Variants in CEP85L observed in about 807,000 individuals in gnomAD.
CEP85L encodes the protein centrosomal protein of 85 kDa-like.
CEP85L carries 60 observed loss-of-function variants against 100.3 expected under a neutral mutation model. The ratio of observed to expected loss-of-function variants is 0.60; its 90% confidence interval spans 0.49 to 0.74. The LOEUF is 0.74. Among genes scored for constraint, CEP85L ranks in the 30% least tolerant of loss-of-function variants. The pLI is 0.00. For missense variants in CEP85L, 973 were observed against 936.2 expected, an observed-to-expected ratio of 1.04 and a Z score of -0.51; for synonymous variants, 319 against 322.7, an observed-to-expected ratio of 0.99 and a Z score of 0.12.
chr6:118,589,446 T>G lies in CEP85L; in HGVS notation c.233-23130A>C, dbSNP rs1781053140. ...GAGGAAGGAAATGATTTGAAGGGAG[T>G]GCCAGAAACATCTGGCTCACAAAAC... On this transcript the variant is annotated intron_variant, in intron 2 of 12. Transcript: ENST00000368491. 1.9e-5 allele frequency: 5 copies of G among 262,936 alleles called. No homozygotes were observed. In the South Asian group the frequency reaches 3.1e-4, roughly 16 times the overall value. 16.3% of individuals were successfully genotyped at this position (262,936 alleles called of 1,614,324 possible). A position where few individuals can be genotyped will look rare whatever the true frequency, so the allele number is the denominator to read the frequency against.
intron 1 of CEP85L, among the ~76,000 whole-genome samples, chr6:118,668,553 C>G (rs1367034124): frequency 2.0e-5 from 3 of 152,262 alleles, no homozygotes; most frequent in East Asian, 3.9e-4. Flanking sequence ...CAAGTCCAGC[C>G]TGGGCAAAAA....
chr6:118,553,535 G>A (rs981586442), intron 3 of CEP85L, among the ~76,000 whole-genome samples: 9 of 152,034 alleles, frequency 5.9e-5, no homozygotes, highest in South Asian at 2.1e-4. Flanking sequence ...ACATTTTAGC[G>A]TGTAAAGCAG....
At chr6:118,532,003 A>G (rs555401018) in intron 3 of CEP85L, among the ~76,000 whole-genome samples, 1 of 152,342 alleles carries the variant, frequency 6.6e-6, no homozygotes, top group East Asian at 1.9e-4. Flanking sequence ...ATTATTGGGT[A>G]TATACCCAAA....
chr6:118,663,048 G>T (rs1203815940), intron 1 of CEP85L, among the ~76,000 whole-genome samples: 1 of 150,512 alleles, frequency 6.6e-6, no homozygotes, highest in African/African-American at 2.4e-5. Flanking sequence ...AATTTTCATG[G>T]TAAAAAAAAA....
Position 118,474,182 on chromosome 6 carries a change from T to G in CEP85L, c.1915-3538A>C, listed in dbSNP as rs1773177654. Among the ~76,000 whole-genome samples the G allele has an allele frequency of 2.6e-5, 4 of 152,272 alleles. No individual in the cohort carries two copies. In the South Asian group the frequency reaches 6.2e-4, roughly 24 times the overall value. On this transcript the variant is annotated intron_variant, in intron 10 of 12. Transcript: ENST00000368491. The stretch of plus-strand genomic sequence containing the variant: ...CATATAGCAAATGAAGAAACATTAC[T>G]CAAGGAAATCTACTAAAACTCAGTA...
Position 118,505,409 on chromosome 6 carries a change from CAAAAAAAA to C in CEP85L, c.1257+5881_1257+5888del, listed in dbSNP as rs56893664. On this transcript the variant is annotated intron_variant, in intron 5 of 12. Coordinates refer to ENST00000368491, the MANE Select transcript of CEP85L (RefSeq NM_001042475.3). ...TGAGCCAAGATCACGTCACTGTACT[CAAAAAAAA>C]AAAAAAAAAAAAAAAAAAAAAGTTA... Among the ~76,000 whole-genome samples the C allele has an allele frequency of 2.6e-3, 185 of 71,818 alleles. 2 individuals are homozygous for C. Among genetic ancestry groups the C allele is most frequent in the African/African-American group, 5.3e-3 (96 of 18,058 alleles). 47.1% of individuals were successfully genotyped at this position (71,818 alleles called of 152,430 possible).
intron 1 of CEP85L, among the ~76,000 whole-genome samples, chr6:118,706,356 G>T (rs1173492219): frequency 6.6e-6 from 1 of 152,162 alleles, no homozygotes; most frequent in Non-Finnish European, 1.5e-5. Flanking sequence ...AGCTTTATTT[G>T]TCAAGACCTG....
chr6:118,635,718 T>C (rs1003702172), intron 1 of CEP85L, among the ~76,000 whole-genome samples: 3 of 152,176 alleles, frequency 2.0e-5, no homozygotes, highest in Non-Finnish European at 4.4e-5. Flanking sequence ...TTTTGAGCAG[T>C]ATAAAGTCAT....
chr6:118,590,008 C>A (rs1781088813), intron 2 of CEP85L, among the ~76,000 whole-genome samples: 1 of 152,030 alleles, frequency 6.6e-6, no homozygotes, highest in Non-Finnish European at 1.5e-5. Flanking sequence ...CTATTGAGGC[C>A]AGTTCTGGGT....
At chr6:118,478,776 T>C (rs560966514) in intron 10 of CEP85L, among the ~76,000 whole-genome samples, 1 of 152,164 alleles carries the variant, frequency 6.6e-6, no homozygotes, top group Non-Finnish European at 1.5e-5. Context: ...CATATTTACA[T>C]GTGACTACAG....
chr6:118,464,590 A>G lies in CEP85L; in HGVS notation c.*815T>C, dbSNP rs1258356112. On this transcript the variant is annotated 3_prime_UTR_variant, in exon 13 of 13. Transcript: ENST00000368491. ...TATATATGGCTTTGTTTACATTTAT[A>G]TATGTATATATATAAAACATATAAA... is the stretch of plus-strand genomic sequence containing the variant. 1.3e-5 allele frequency: 2 copies of G among 151,952 alleles called. No individual in the cohort carries two copies. Among genetic ancestry groups the G allele is most frequent in the Non-Finnish European group, 2.9e-5 (2 of 67,942 alleles). 9.4% of individuals were successfully genotyped at this position (151,952 alleles called of 1,614,324 possible).
intron 4 of CEP85L, among the ~76,000 whole-genome samples, chr6:118,514,582 T>C (rs1039161302): frequency 9.5e-5 from 14 of 147,100 alleles, no homozygotes; most frequent in African/African-American, 3.5e-4. Flanking sequence ...AACTTGACCA[T>C]ATCAATAATC....
chr6:118,465,609 T>G, intron 12 of CEP85L, 41 bp from the exon 13 acceptor site: 2 of 1,588,746 alleles, frequency 1.3e-6, no homozygotes, highest in Non-Finnish European at 1.7e-6. Context: ...CACATTTTTT[T>G]GAACAAAGAC....
intron 1 of CEP85L, among the ~76,000 whole-genome samples, chr6:118,676,674 T>G (rs1260156900): frequency 1.3e-5 from 2 of 152,214 alleles, no homozygotes; most frequent in Non-Finnish European, 2.9e-5. Flanking sequence ...CTTTGACATA[T>G]AGATTTCAAG....
At position 118,558,982 on chromosome 6, in the gene CEP85L, C is replaced by T. The variant is rs397516786; in HGVS notation, c.1020+6547G>A. The T allele has an allele frequency of 6.2e-7, 1 of 1,611,702 alleles. No homozygotes were observed. Among genetic ancestry groups the T allele is most frequent in the Non-Finnish European group, 8.5e-7 (1 of 1,177,804 alleles). The stretch of plus-strand genomic sequence containing the variant: ...AAGAAGAGCCTCAACCATTGAAATG[C>T]CTCAACAAGCACGTCAAAAGCTACA... On this transcript the variant is annotated intron_variant, in intron 3 of 12. Transcript: ENST00000368491.
intron 2 of CEP85L, among the ~76,000 whole-genome samples, chr6:118,590,908 C>CA (rs553452772): frequency 2.6e-5 from 4 of 152,260 alleles, no homozygotes; most frequent in Middle Eastern, 6.8e-3. Flanking sequence ...ACCGGCGAGA[C>CA]AAAGGACCCT....
At chr6:118,471,918 T>A (rs1200593694) in intron 10 of CEP85L, among the ~76,000 whole-genome samples, 2 of 151,964 alleles carry the variant, frequency 1.3e-5, no homozygotes, top group Admixed American at 1.3e-4. Context: ...AGATCTATCC[T>A]TTCTGGCCTA....
intron 2 of CEP85L, among the ~76,000 whole-genome samples, chr6:118,604,333 G>A (rs1021699787): frequency 2.0e-5 from 3 of 152,132 alleles, no homozygotes; most frequent in Non-Finnish European, 4.4e-5. Context: ...CGGAAAAACT[G>A]AGTAACACCC....
In CEP85L at chr6:118,565,971, G is replaced by A. The variant is rs758002180; in HGVS notation, c.578C>T (p.Thr193Ile). The A allele has an allele frequency of 7.4e-6, 12 of 1,614,062 alleles. No individual in the cohort carries two copies. In the Admixed American group the frequency reaches 8.3e-5, roughly 11 times the overall value. ...AGGCCCAATTGTCCTCAGTTGTGATGTTAAAGCCTTAGCCTTCCCTATCTT... is the reference window on the plus strand; with the variant it reads ...AGGCCCAATTGTCCTCAGTTGTGATATTAAAGCCTTAGCCTTCCCTATCTT... ...LEKIGKAKAL[T>I]SQLRTIGPSC... Residue 193 changes from threonine (T) to isoleucine (I), a missense_variant, in exon 3 of 13, where the codon ACA (threonine) becomes ATA (isoleucine). By Grantham distance (89) the Thr-to-Ile change is moderately conservative. This residue lies in a region of CEP85L where 890 missense variants were observed against 844.5 expected (regional missense o/e 1.05). Coordinates refer to ENST00000368491, the MANE Select transcript of CEP85L (RefSeq NM_001042475.3).
Sources: allele counts gnomAD v4.1 joint callset (sites outside exome capture counted in the v4.1 genomes callset), GRCh38; gene constraint gnomAD v4.1.1; regional missense constraint gnomAD v4.1.1; transcripts MANE v1.5; gene names NCBI Gene and HGNC (gene_info 2026-07-23, HGNC 2026-07-21).